DLGAP4: variants seen among roughly 807,000 people sequenced by gnomAD.
DLGAP4 encodes DLG associated protein 4, also known as disks large-associated protein 4.
DLGAP4 carries 18 observed loss-of-function variants against 86.9 expected under a neutral mutation model. The observed-to-expected ratio is 0.21, with a 90% CI of 0.14 to 0.31. The LOEUF is 0.31. DLGAP4 is among the 10% of genes least tolerant of loss of function. The probability of loss-of-function intolerance (pLI) is 1.00; values close to 1 mark genes in which losing one functional copy is unlikely to be tolerated. For missense variants in DLGAP4, 1,085 were observed against 1,362.6 expected (o/e 0.80, Z 3.21); for synonymous variants, 548 against 574.3 (o/e 0.95, Z 0.65).
intron 7 of DLGAP4, among the ~76,000 whole-genome samples, chr20:36,474,035 C>A (rs2034797020): frequency 6.6e-6 from 1 of 152,222 alleles, no homozygotes; most frequent in African/African-American, 2.4e-5. Flanking sequence ...GCTAATAATA[C>A]CTGACTGTAG....
At chr20:36,524,489 T>G (rs1361513774) in intron 11 of DLGAP4, 148 bp downstream of exon 11, 1 of 653,748 alleles carries the variant, frequency 1.5e-6, no homozygotes, top group East Asian at 2.8e-5. Context: ...TGGCAATGTG[T>G]GTCAGTGTCT....
chr20:36,488,044 A>G (rs986795326), intron 7 of DLGAP4, among the ~76,000 whole-genome samples: 1 of 151,808 alleles, frequency 6.6e-6, no homozygotes, highest in Non-Finnish European at 1.5e-5. Context: ...TACTAAAAAT[A>G]CAAAAATTAG....
intron 2 of DLGAP4, among the ~76,000 whole-genome samples, chr20:36,399,477 T>C (rs1244720914): frequency 2.0e-5 from 3 of 152,200 alleles, no homozygotes; most frequent in Non-Finnish European, 4.4e-5. Context: ...GTGTCTGTCA[T>C]TGTTGGACCA....
At chr20:36,429,398 CTTTTT>C (rs151254062) in intron 2 of DLGAP4, among the ~76,000 whole-genome samples, 2 of 76,040 alleles carry the variant, frequency 2.6e-5, no homozygotes, top group Admixed American at 1.8e-4. Flanking sequence ...TTCTTTTTTT[CTTTTT>C]TTTTTTTTTT....
chr20:36,395,279 T>C (rs2031913374), intron 2 of DLGAP4, among the ~76,000 whole-genome samples: 1 of 152,176 alleles, frequency 6.6e-6, no homozygotes, highest in Admixed American at 6.5e-5. Context: ...TTATATTATA[T>C]ATTCATTTAC....
At chr20:36,441,605 C>G (rs1363253472) in intron 5 of DLGAP4, among the ~76,000 whole-genome samples, 1 of 152,230 alleles carries the variant, frequency 6.6e-6, no homozygotes, top group Non-Finnish European at 1.5e-5. Flanking sequence ...TCCCCAGTAC[C>G]TGGCACAGTG....
chr20:36,324,135 T>G (rs1188383950), intron 1 of DLGAP4, among the ~76,000 whole-genome samples: 3 of 152,164 alleles, frequency 2.0e-5, no homozygotes, highest in African/African-American at 7.2e-5. Flanking sequence ...TTCTAAGAGC[T>G]TTATAGTTCA....
rs1490996221 is a variant in DLGAP4, at chr20:36,527,110, A to G, written c.*79A>G. The G allele has an allele frequency of 3.6e-6, 5 of 1,394,232 alleles. No individual in the cohort carries two copies. The highest frequency in any genetic ancestry group is 3.9e-6 in the Non-Finnish European group (4 of 1,036,340). 86.4% of individuals were successfully genotyped at this position (1,394,232 alleles called of 1,614,324 possible). A position where few individuals can be genotyped will look rare whatever the true frequency, so the allele number is the denominator to read the frequency against. ...GTGCGAACGGAACAGAGTTTTCTCAACCTTTGCTATGGTTATTCTGTCTAG... is the reference window on the plus strand; with the variant it reads ...GTGCGAACGGAACAGAGTTTTCTCAGCCTTTGCTATGGTTATTCTGTCTAG... On this transcript the variant is annotated 3_prime_UTR_variant, in exon 13 of 13. Transcript: ENST00000339266.
chr20:36,311,381 G>A (rs935719901), intron 1 of DLGAP4, among the ~76,000 whole-genome samples: 8 of 152,110 alleles, frequency 5.3e-5, no homozygotes, highest in Non-Finnish European at 1.0e-4. Context: ...GTTTCGCAAC[G>A]CCGCCTCCTC....
At chr20:36,525,720 C>T (rs749540418) in intron 11 of DLGAP4, 131 bp from the exon 12 acceptor site, 19 of 1,219,366 alleles carry the variant, frequency 1.6e-5, no homozygotes, top group Non-Finnish European at 2.2e-5. Context: ...CAGATACTTA[C>T]CCAGACACTA....
intron 10 of DLGAP4, among the ~76,000 whole-genome samples, chr20:36,521,528 C>G (rs1156515100): frequency 2.0e-5 from 3 of 152,158 alleles, no homozygotes; most frequent in Non-Finnish European, 4.4e-5. Context: ...TTCCCCCCAG[C>G]TTAACTATTC....
chr20:36,516,574 G>A (rs1399768588), intron 10 of DLGAP4, among the ~76,000 whole-genome samples: 1 of 151,230 alleles, frequency 6.6e-6, no homozygotes, highest in Non-Finnish European at 1.5e-5. Flanking sequence ...GCTGAGACCG[G>A]AGAATCACTT....
At chr20:36,347,559 G>T (rs537672433) in intron 1 of DLGAP4, among the ~76,000 whole-genome samples, 12 of 151,960 alleles carry the variant, frequency 7.9e-5, no homozygotes, top group African/African-American at 2.9e-4. Context: ...ATGAATTTTG[G>T]CACTCTCATG....
chr20:36,495,783 C>T (rs183713953), intron 7 of DLGAP4, among the ~76,000 whole-genome samples: 2 of 152,206 alleles, frequency 1.3e-5, no homozygotes, highest in Non-Finnish European at 2.9e-5. Context: ...TTTCACATAA[C>T]GAGAAAGTGT....
At position 36,431,996 on chromosome 20, in the gene DLGAP4, A is replaced by G. The variant is rs1257818802; in HGVS notation, c.279A>G (p.Gln93=). Residue 93 remains glutamine, a synonymous_variant, in exon 3 of 13, where the codon CAA becomes CAG. Transcript: ENST00000339266. The surrounding 1 kb of genome is among the most constrained non-coding windows in gnomAD (Gnocchi z 5.1). ...AGAGCCCCTTCCCCAGCCATGCCCA[A>G]GCCACCAAGATCAACCGGCTGCCCG... ...PEESPFPSHA[Q]ATKINRLPAN... is the part of the protein sequence containing the mutation. The G allele has an allele frequency of 6.2e-7, 1 of 1,614,046 alleles. No individual in the cohort carries two copies. Among genetic ancestry groups the G allele is most frequent in the Admixed American group, 1.7e-5 (1 of 60,020 alleles).
At chr20:36,459,241 TATCTTCTGGGACCCTAAAGC>T (rs1245590863) in intron 7 of DLGAP4, among the ~76,000 whole-genome samples, 1 of 152,194 alleles carries the variant, frequency 6.6e-6, no homozygotes, top group Admixed American at 6.5e-5. Context: ...GTTCCATAAA[TATCTTCTGGGACCCTAAAGC>T]ATCACCATCA....
chr20:36,448,847 T>C (rs2033664426), intron 7 of DLGAP4, among the ~76,000 whole-genome samples: 1 of 152,150 alleles, frequency 6.6e-6, no homozygotes, highest in South Asian at 2.1e-4. Flanking sequence ...GGTATGAGAA[T>C]TGCTTGAACC....
At chr20:36,467,889 T>C (rs1305007427) in intron 7 of DLGAP4, among the ~76,000 whole-genome samples, 1 of 152,212 alleles carries the variant, frequency 6.6e-6, no homozygotes, top group East Asian at 1.9e-4. Flanking sequence ...GGACTTCCCA[T>C]CCCTGTTTTG....
rs868527001 is a variant in DLGAP4, at chr20:36,467,037, T to A, written c.1648+20100T>A. 4.1e-3 allele frequency among the ~76,000 whole-genome samples: 519 copies of A among 125,148 alleles called. 2 individuals carry two copies. Among genetic ancestry groups the A allele is most frequent in the Middle Eastern group, 0.019 (5 of 262 alleles). The allele number at this position is 125,148 out of a possible 152,430, so 82.1% of individuals were successfully genotyped here. Reference sequence around the variant, plus strand: ...TCTCTCCTCTCTCTCTCTCTCTCTCTCTCTCTCTCTCTCTCTCTCTCTCTC... The same window carrying A: ...TCTCTCCTCTCTCTCTCTCTCTCTCACTCTCTCTCTCTCTCTCTCTCTCTC... On this transcript the variant is annotated intron_variant, in intron 7 of 12. Transcript: ENST00000339266.
Sources: gnomAD v4.1 joint callset for allele counts (sites outside exome capture counted in the v4.1 genomes callset) on GRCh38, gnomAD v4.1.1 for gene constraint, Gnocchi (gnomAD v3.1) non-coding constraint, MANE v1.5 for transcripts, NCBI Gene and HGNC (gene_info 2026-07-23, HGNC 2026-07-21) for gene names.